Variants in MAF observed in about 807,000 individuals in gnomAD.
MAF encodes transcription factor Maf.
Under a neutral mutation model 22.0 loss-of-function variants are expected in MAF, and 10 were observed. The observed-to-expected ratio is 0.45, with a 90% confidence interval of 0.28 to 0.77. The LOEUF (loss-of-function observed/expected upper bound fraction) is 0.77, where lower values mean the gene tolerates loss of function less well. Ranked by LOEUF, MAF falls within the 30% of genes least tolerant of loss-of-function variation. The pLI is 0.12. For missense variants in MAF, 544 were observed against 548.4 expected (o/e 0.99, Z 0.08); for synonymous variants, 337 against 255.8 (o/e 1.32, Z -3.03).
At chr16:79,405,525 C>T in the MAF span, among the ~76,000 whole-genome samples, 1 of 152,184 alleles carries the variant, frequency 6.6e-6, no homozygotes, top group African/African-American at 2.4e-5. Context: ...CTTCTTCCTC[C>T]TTGCTCTCTT....
At chr16:79,482,663 C>G in the MAF span, among the ~76,000 whole-genome samples, 1 of 152,102 alleles carries the variant, frequency 6.6e-6, no homozygotes, top group Non-Finnish European at 1.5e-5. Context: ...ATGCTCACAG[C>G]GTGGCCCTGC....
the MAF span, among the ~76,000 whole-genome samples, chr16:79,332,588 C>T: frequency 3.3e-4 from 50 of 152,332 alleles, 1 homozygote; most frequent in African/African-American, 1.2e-3. Flanking sequence ...CATGAGCCAC[C>T]ACGCCTGACT....
the MAF span, among the ~76,000 whole-genome samples, chr16:79,410,648 A>G: frequency 1.2e-4 from 18 of 152,240 alleles, no homozygotes; most frequent in African/African-American, 4.3e-4. Flanking sequence ...TGGCTGTGAC[A>G]TGGGATGAGG....
the MAF span, among the ~76,000 whole-genome samples, chr16:79,571,522 T>C: frequency 4.2e-3 from 564 of 134,808 alleles, 3 homozygotes; most frequent in African/African-American, 0.015. Context: ...AAAAAACATC[T>C]CAGCGGAATT....
the MAF span, among the ~76,000 whole-genome samples, chr16:79,415,694 T>C: frequency 2.6e-5 from 4 of 151,962 alleles, no homozygotes; most frequent in South Asian, 8.3e-4. Context: ...TCCCTTCTGC[T>C]TGTGCCATAT....
chr16:79,241,653 G>T, the MAF span, among the ~76,000 whole-genome samples: 1 of 152,050 alleles, frequency 6.6e-6, no homozygotes, highest in Admixed American at 6.6e-5. Context: ...CCCCAACCTG[G>T]CAAGGCAGGC....
chr16:79,286,798 G>C, the MAF span, among the ~76,000 whole-genome samples: 1 of 152,120 alleles, frequency 6.6e-6, no homozygotes, highest in Non-Finnish European at 1.5e-5. Flanking sequence ...ACACAACCCA[G>C]GACACAGCTT....
At chr16:79,250,587 A>C in the MAF span, among the ~76,000 whole-genome samples, 6 of 152,146 alleles carry the variant, frequency 3.9e-5, no homozygotes, top group Admixed American at 3.3e-4. Flanking sequence ...TGCTTGGGGA[A>C]GGCTCTACTT....
At chr16:79,274,611 T>A in the MAF span, among the ~76,000 whole-genome samples, 1 of 152,128 alleles carries the variant, frequency 6.6e-6, no homozygotes, top group Non-Finnish European at 1.5e-5. Context: ...GTTAGTGCAC[T>A]CCATAGTCCA....
the MAF span, among the ~76,000 whole-genome samples, chr16:79,237,795 C>T: frequency 2.0e-5 from 3 of 152,270 alleles, no homozygotes; most frequent in South Asian, 6.2e-4. Flanking sequence ...AGCAGCGACA[C>T]TGCACCCTGT....
the MAF span, among the ~76,000 whole-genome samples, chr16:79,217,541 C>G: frequency 6.6e-6 from 1 of 152,214 alleles, no homozygotes; most frequent in African/African-American, 2.4e-5. Flanking sequence ...AATAGGCCCT[C>G]TCTCCTGTTC....
chr16:79,404,028 C>T, the MAF span, among the ~76,000 whole-genome samples: 599 of 152,270 alleles, frequency 3.9e-3, 1 homozygote, highest in Non-Finnish European at 6.1e-3. Context: ...CCACGTATTT[C>T]TAAAAACATT....
the MAF span, among the ~76,000 whole-genome samples, chr16:79,466,224 C>A: frequency 1.3e-5 from 2 of 152,222 alleles, no homozygotes; most frequent in African/African-American, 4.8e-5. Context: ...TCCCTCTAGA[C>A]CCACCCTCTC....
At chr16:79,374,482 C>T in the MAF span, among the ~76,000 whole-genome samples, 5 of 152,220 alleles carry the variant, frequency 3.3e-5, no homozygotes, top group Non-Finnish European at 7.3e-5. Flanking sequence ...AGCCTCATTT[C>T]TTCATCTTAC....
chr16:79,393,420 G>A, the MAF span, among the ~76,000 whole-genome samples: 7 of 152,296 alleles, frequency 4.6e-5, no homozygotes, highest in South Asian at 6.2e-4. Context: ...GCTATCCAGC[G>A]CTCTCTGCCT....
the MAF span, among the ~76,000 whole-genome samples, chr16:79,531,968 C>G: frequency 6.6e-6 from 1 of 152,126 alleles, no homozygotes; most frequent in Non-Finnish European, 1.5e-5. Context: ...GGGAACTCCT[C>G]TTAGGAACAT....
In MAF at chr16:79,600,082, C is replaced by G; in HGVS notation, c.-180G>C. 1.4e-6 allele frequency: 1 copy of G among 713,654 alleles called. No individual in the cohort carries two copies. The allele number at this position is 713,654 out of a possible 1,614,324, so 44.2% of individuals were successfully genotyped here. ...CGCGCTCACACACACACCCCCCCGC[C>G]CTGCCCGCGCCCCCCGCGCCCGCCC... is the stretch of plus-strand genomic sequence containing the variant. On this transcript the variant is annotated 5_prime_UTR_variant, in exon 1 of 2. Coordinates refer to ENST00000326043, the MANE Select transcript of MAF (RefSeq NM_005360.5).
chr16:79,209,059 C>A, the MAF span, among the ~76,000 whole-genome samples: 1 of 152,164 alleles, frequency 6.6e-6, no homozygotes, highest in Non-Finnish European at 1.5e-5. Flanking sequence ...TCTACAAAGC[C>A]AGAGCCACTT....
At chr16:79,576,085 G>C in the MAF span, among the ~76,000 whole-genome samples, 1 of 151,956 alleles carries the variant, frequency 6.6e-6, no homozygotes, top group Non-Finnish European at 1.5e-5. Flanking sequence ...ACCCTCATAA[G>C]GTTTTCTTAT....
Sources: allele counts gnomAD v4.1 joint callset (sites outside exome capture counted in the v4.1 genomes callset), GRCh38; gene constraint gnomAD v4.1.1; transcripts MANE v1.5; gene names NCBI Gene and HGNC (gene_info 2026-07-23, HGNC 2026-07-21).